Variants in ATXN7L1 observed in about 807,000 individuals in gnomAD.
ATXN7L1 encodes the protein ataxin-7-like protein 1.
In ATXN7L1, 15 loss-of-function variants were observed where a neutral mutation model predicts 70.8. The observed-to-expected ratio is 0.21, with a 90% CI of 0.14 to 0.33. ATXN7L1 has a LOEUF of 0.33. ATXN7L1 is among the 10% of genes least tolerant of loss of function. The pLI, the probability that ATXN7L1 is intolerant of heterozygous loss-of-function variation, is 1.00. For missense variants in ATXN7L1, 975 were observed against 1,097.1 expected, an observed-to-expected ratio of 0.89 and a Z score of 1.57; for synonymous variants, 440 against 445.1, an observed-to-expected ratio of 0.99 and a Z score of 0.14.
At chr7:105,699,522 T>C (rs537311059) in intron 3 of ATXN7L1, among the ~76,000 whole-genome samples, 3 of 152,346 alleles carry the variant, frequency 2.0e-5, no homozygotes, top group East Asian at 1.9e-4. Context: ...CAAGCATTAA[T>C]TGCTATAAAA....
intron 3 of ATXN7L1, among the ~76,000 whole-genome samples, chr7:105,778,509 T>G (rs1436251850): frequency 2.8e-5 from 1 of 35,954 alleles, no homozygotes; most frequent in Non-Finnish European, 4.2e-5. Context: ...AGACCCTATC[T>G]CAAAAAAAAA....
At chr7:105,804,479 C>T (rs930556613) in intron 2 of ATXN7L1, among the ~76,000 whole-genome samples, 2 of 152,180 alleles carry the variant, frequency 1.3e-5, no homozygotes, top group Non-Finnish European at 2.9e-5. Flanking sequence ...ATTAGCCTCT[C>T]ATTCCAACTA....
intron 2 of ATXN7L1, among the ~76,000 whole-genome samples, chr7:105,865,158 A>G (rs1319591011): frequency 6.6e-6 from 1 of 152,210 alleles, no homozygotes; most frequent in African/African-American, 2.4e-5. Flanking sequence ...GATCATCACA[A>G]CAAAGGCTTC....
chr7:105,815,618 C>G (rs1246181525), intron 2 of ATXN7L1, among the ~76,000 whole-genome samples: 1 of 152,220 alleles, frequency 6.6e-6, no homozygotes, highest in Non-Finnish European at 1.5e-5. Context: ...CACATGGCGT[C>G]AAAAACTTTG....
intron 4 of ATXN7L1, among the ~76,000 whole-genome samples, chr7:105,660,653 G>T (rs1195700951): frequency 1.4e-5 from 2 of 142,218 alleles, no homozygotes; most frequent in African/African-American, 2.7e-5. Context: ...CGCAATGTTG[G>T]CTCACTGCAA....
intron 2 of ATXN7L1, among the ~76,000 whole-genome samples, chr7:105,833,869 G>A (rs1192096907): frequency 6.6e-6 from 1 of 152,190 alleles, no homozygotes; most frequent in Non-Finnish European, 1.5e-5. Context: ...ACAGCCAGTG[G>A]TAGTTATAAG....
At chr7:105,649,061 A>C (rs660677) in intron 4 of ATXN7L1, among the ~76,000 whole-genome samples, 6,435 of 152,278 alleles carry the variant, frequency 0.042, 281 homozygotes, top group East Asian at 0.22. Context: ...AAAGCCCTTC[A>C]AAGTTCCTTT....
intron 3 of ATXN7L1, among the ~76,000 whole-genome samples, chr7:105,695,313 A>G (rs1366474324): frequency 6.6e-6 from 1 of 152,184 alleles, no homozygotes; most frequent in Non-Finnish European, 1.5e-5. Context: ...AAATAAAATA[A>G]AAGCACAACA....
intron 2 of ATXN7L1, among the ~76,000 whole-genome samples, chr7:105,818,134 G>C (rs921902665): frequency 6.6e-6 from 1 of 152,136 alleles, no homozygotes; most frequent in Admixed American, 6.5e-5. Context: ...AATGTAACAA[G>C]CTGCCTGGGC....
At chr7:105,763,603 C>T (rs1800828752) in intron 3 of ATXN7L1, among the ~76,000 whole-genome samples, 1 of 152,186 alleles carries the variant, frequency 6.6e-6, no homozygotes, top group Non-Finnish European at 1.5e-5. Context: ...GCCCTTTTTG[C>T]TCATCTGCAA....
intron 3 of ATXN7L1, among the ~76,000 whole-genome samples, chr7:105,667,835 T>A (rs1200825674): frequency 6.6e-6 from 1 of 152,158 alleles, no homozygotes; most frequent in Non-Finnish European, 1.5e-5. Context: ...TTCAAGTCTA[T>A]CGACTTTCTG....
At position 105,606,625 on chromosome 7, in the gene ATXN7L1, G is replaced by T. The variant is rs1002370593; in HGVS notation, c.*1227C>A. ...CTCCAGTGTGAATAGTTCTATGGCTGCAGGGCTCCAGCGTGGCTCTTCCAA... is the reference window on the plus strand; with the variant it reads ...CTCCAGTGTGAATAGTTCTATGGCTTCAGGGCTCCAGCGTGGCTCTTCCAA... On this transcript the variant is annotated 3_prime_UTR_variant, in exon 12 of 12. Transcript: ENST00000419735. 6.6e-6 allele frequency: 1 copy of T among 152,250 alleles called. No homozygotes were observed. The highest frequency in any genetic ancestry group is 1.5e-5 in the Non-Finnish European group (1 of 68,072). The allele number at this position is 152,250 out of a possible 1,614,324, so 9.4% of individuals were successfully genotyped here.
chr7:105,647,782 C>G (rs1799269817), intron 4 of ATXN7L1, among the ~76,000 whole-genome samples: 1 of 152,238 alleles, frequency 6.6e-6, no homozygotes, highest in Admixed American at 6.5e-5. Flanking sequence ...TGCACCAGGT[C>G]CCAACATTTG....
chr7:105,793,572 G>T (rs1805555620), intron 2 of ATXN7L1, among the ~76,000 whole-genome samples: 2 of 152,150 alleles, frequency 1.3e-5, no homozygotes, highest in South Asian at 4.1e-4. Context: ...TACACATGTG[G>T]ACAGAGGAAG....
At chr7:105,873,870 G>C (rs1331758673) in intron 2 of ATXN7L1, among the ~76,000 whole-genome samples, 2 of 152,184 alleles carry the variant, frequency 1.3e-5, no homozygotes, top group African/African-American at 4.8e-5. Context: ...GCTCATGCCT[G>C]TAATTCCAGC....
At chr7:105,757,278 G>A (rs1303480207) in intron 3 of ATXN7L1, among the ~76,000 whole-genome samples, 1 of 152,156 alleles carries the variant, frequency 6.6e-6, no homozygotes, top group African/African-American at 2.4e-5. Context: ...AAAAGGGATA[G>A]GGAGGGAAAA....
At chr7:105,641,244 T>A (rs1438671523) in intron 5 of ATXN7L1, among the ~76,000 whole-genome samples, 2 of 93,348 alleles carry the variant, frequency 2.1e-5, no homozygotes, top group South Asian at 8.7e-4. Flanking sequence ...TTTTTTTTTT[T>A]AGCTTCACTT....
At chr7:105,856,772 T>C (rs1307517775) in intron 2 of ATXN7L1, among the ~76,000 whole-genome samples, 1 of 152,014 alleles carries the variant, frequency 6.6e-6, no homozygotes, top group Non-Finnish European at 1.5e-5. Context: ...TACAAATTAA[T>C]TGGTCAGCAG....
At chr7:105,680,076 A>T (rs1305729763) in intron 3 of ATXN7L1, among the ~76,000 whole-genome samples, 1 of 73,694 alleles carries the variant, frequency 1.4e-5, no homozygotes, top group Non-Finnish European at 2.8e-5. Flanking sequence ...CCTTTTAGTA[A>T]AAAAAAAAAA....
Sources: gnomAD v4.1 joint callset for allele counts (sites outside exome capture counted in the v4.1 genomes callset) on GRCh38, gnomAD v4.1.1 for gene constraint, MANE v1.5 for transcripts, NCBI Gene and HGNC (gene_info 2026-07-23, HGNC 2026-07-21) for gene names.